The following ABCB9 variants were observed in gnomAD, a reference collection of about 807,000 sequenced individuals.
ABCB9 encodes the protein ABC-type oligopeptide transporter ABCB9.
ABCB9 carries 36 observed loss-of-function variants against 62.0 expected under a neutral mutation model. That is an observed-to-expected ratio of 0.58 (90% CI 0.45 to 0.77). The LOEUF (loss-of-function observed/expected upper bound fraction) is 0.77, where lower values mean the gene tolerates loss of function less well. ABCB9 is among the 30% of genes least tolerant of loss of function. ABCB9 has a pLI of 0.00. For synonymous variants in ABCB9, 435 were observed against 461.4 expected, an observed-to-expected ratio of 0.94 and a Z score of 0.73; for missense variants, 943 against 1,054.7, an observed-to-expected ratio of 0.89 and a Z score of 1.47.
At chr12:122,970,932 G>A (rs997055750), upstream of ABCB9, among the ~76,000 whole-genome samples, 2 of 152,172 alleles carry the variant, frequency 1.3e-5, no homozygotes, top group Non-Finnish European at 2.9e-5. Context: ...CCTACTGTAT[G>A]ATTCCTACCA....
rs202203025 is a variant in ABCB9 at position 122,941,431 on chromosome 12, CCA to C, written c.1381-438_1381-437del. On this transcript the variant is annotated intron_variant, in intron 7 of 11. Coordinates refer to ENST00000280560, the MANE Select transcript of ABCB9 (RefSeq NM_019625.4). ...TCAAGTGATTCTCCTGCCTCAGCCTCCAGAGTAGCTGGGATTACAGGTACTCG... is the reference window on the plus strand; with the variant it reads ...TCAAGTGATTCTCCTGCCTCAGCCTCGAGTAGCTGGGATTACAGGTACTCG... Among the ~76,000 whole-genome samples the C allele has an allele frequency of 3.7e-3, 568 of 151,714 alleles. 13 individuals are homozygous for C. The highest frequency in any genetic ancestry group is 0.031 in the Admixed American group (470 of 15,210).
chr12:122,959,917 C>G lies in ABCB9; in HGVS notation c.319G>C (p.Val107Leu). 2 of 1,613,458 alleles carry G rather than the reference C, an allele frequency of 1.2e-6. No homozygotes were observed. Among genetic ancestry groups the G allele is most frequent in the Non-Finnish European group, 1.7e-6 (2 of 1,179,928 alleles). ...AMVKLLLFSE[V>L]RRPIRDPWFW... ...CAGGGGTCCCGGATGGGCCTGCGCA[C>G]CTCTGAGAAGAGCAGCAGCTTCACC... The change falls in exon 2 of 12, where the codon GTG (valine) becomes CTG (leucine). Residue 107 changes from valine (V) to leucine (L), a missense_variant. Physicochemically the swap from Val to Leu is conservative, Grantham distance 32 (BLOSUM62 1). Coordinates refer to ENST00000280560, the MANE Select transcript of ABCB9 (RefSeq NM_019625.4). The surrounding 1 kb of genome is among the most constrained non-coding windows in gnomAD (Gnocchi z 5.4).
intron 1 of ABCB9, among the ~76,000 whole-genome samples, chr12:122,963,936 C>T (rs2037040227): frequency 6.6e-6 from 1 of 152,306 alleles, no homozygotes; most frequent in Middle Eastern, 3.4e-3. Context: ...CCTGTGCTGC[C>T]CACGCAGGCT....
chr12:122,946,619 C>CCTG, intron 5 of ABCB9: 1 of 245,214 alleles, frequency 4.1e-6, no homozygotes, highest in Non-Finnish European at 8.1e-6. Context: ...AGGTTGTACA[C>CCTG]TATTTAAGAA....
downstream of ABCB9, among the ~76,000 whole-genome samples, chr12:122,928,394 G>A (rs568648696): frequency 4.6e-5 from 7 of 151,870 alleles, no homozygotes; most frequent in South Asian, 1.3e-3. Flanking sequence ...GCTTGAACTC[G>A]GGAGGTGGAG....
Position 122,929,209 on chromosome 12 carries a change from G to A in ABCB9, c.*702C>T, listed in dbSNP as rs531967468. ...GGGTGGGTGGACGAGGGGCGAAAGCGCTGGGTGCCGGGCTGGGGGCACCCC... is the reference window on the plus strand; with the variant it reads ...GGGTGGGTGGACGAGGGGCGAAAGCACTGGGTGCCGGGCTGGGGGCACCCC... On this transcript the variant is annotated 3_prime_UTR_variant, in exon 12 of 12. Transcript: ENST00000280560. The surrounding 1 kb of genome is among the most constrained non-coding windows in gnomAD (Gnocchi z 6.0). The A allele has an allele frequency of 3.8e-4, 378 of 986,224 alleles. No individual in the cohort carries two copies. The highest frequency in any genetic ancestry group is 4.4e-4 in the Non-Finnish European group (365 of 830,228). 61.1% of individuals were successfully genotyped at this position (986,224 alleles called of 1,614,324 possible).
At chr12:122,943,826 A>G (rs892550673) in intron 7 of ABCB9, among the ~76,000 whole-genome samples, 1 of 151,862 alleles carries the variant, frequency 6.6e-6, no homozygotes, top group Non-Finnish European at 1.5e-5. Context: ...TCCAGCCTGG[A>G]GTGCAGTGGC....
intron 11 of ABCB9, among the ~76,000 whole-genome samples, chr12:122,923,758 G>C (rs1356909054): frequency 2.0e-5 from 3 of 152,146 alleles, no homozygotes; most frequent in Non-Finnish European, 1.5e-5. Context: ...AGAGTTCCTA[G>C]AATTTTCATC....
chr12:122,966,717 C>T (rs1241604164), upstream of ABCB9, among the ~76,000 whole-genome samples: 1 of 152,264 alleles, frequency 6.6e-6, no homozygotes, highest in Non-Finnish European at 1.5e-5. Context: ...TCTGGCCAAC[C>T]AGGCCCTCCA....
At chr12:122,954,424 T>G (rs1021490025) in intron 2 of ABCB9, among the ~76,000 whole-genome samples, 10 of 152,252 alleles carry the variant, frequency 6.6e-5, no homozygotes, top group African/African-American at 2.2e-4. Context: ...GTCAGGCTGG[T>G]CTCGAACTCC....
At chr12:122,937,591 G>A (rs1022109299) in intron 9 of ABCB9, among the ~76,000 whole-genome samples, 17 of 152,294 alleles carry the variant, frequency 1.1e-4, no homozygotes, top group African/African-American at 3.4e-4. Flanking sequence ...AAGTGTGAAC[G>A]GCTCTGCCCA....
chr12:122,938,926 C>A (rs886286868), intron 9 of ABCB9, among the ~76,000 whole-genome samples: 2 of 152,124 alleles, frequency 1.3e-5, no homozygotes, highest in Non-Finnish European at 1.5e-5. Flanking sequence ...AAACCCAACA[C>A]TTTGGGAGGC....
At chr12:122,949,735 C>T in intron 4 of ABCB9, 53 bp downstream of exon 4, 1 of 1,608,198 alleles carries the variant, frequency 6.2e-7, no homozygotes, top group Admixed American at 1.7e-5. Context: ...CCAGGCAAGC[C>T]CACAGGGGTG....
At chr12:122,928,790 G>A (rs995535883), downstream of ABCB9, among the ~76,000 whole-genome samples, 1 of 152,094 alleles carries the variant, frequency 6.6e-6, no homozygotes, top group Non-Finnish European at 1.5e-5. Context: ...CGCAATCCCC[G>A]TGGAGACAGG....
At chr12:122,954,001 A>C (rs1053149570) in intron 2 of ABCB9, among the ~76,000 whole-genome samples, 1 of 152,160 alleles carries the variant, frequency 6.6e-6, no homozygotes, top group Non-Finnish European at 1.5e-5. Context: ...TTTGCCATGA[A>C]ATCCATATTA....
Position 122,959,025 on chromosome 12 carries a change from G to A in ABCB9, c.601+610C>T, listed in dbSNP as rs1019637576. Among the ~76,000 whole-genome samples, 7 of 145,048 alleles carry A rather than the reference G, an allele frequency of 4.8e-5. No homozygotes were observed. Among genetic ancestry groups the A allele is most frequent in the African/African-American group, 5.0e-5 (2 of 39,744 alleles). On this transcript the variant is annotated intron_variant, in intron 2 of 11. Coordinates refer to ENST00000280560, the MANE Select transcript of ABCB9 (RefSeq NM_019625.4). The surrounding 1 kb of genome is among the most constrained non-coding windows in gnomAD (Gnocchi z 5.4). ...GCTGGGATTACAGGCGTGAGCCACC[G>A]CGCCTGGCCTATTTTTTCGTTTTAA...
chr12:122,973,628 G>A (rs528460587), intron 1 of ABCB9, among the ~76,000 whole-genome samples: 46 of 137,418 alleles, frequency 3.3e-4, no homozygotes, highest in African/African-American at 9.7e-4. Flanking sequence ...TTGGGAGGCC[G>A]AGGCAGGGGG....
chr12:122,928,729 C>G (rs923586247), downstream of ABCB9, among the ~76,000 whole-genome samples: 2 of 152,022 alleles, frequency 1.3e-5, no homozygotes, highest in Middle Eastern at 3.2e-3. Context: ...TCAGCTGTCC[C>G]GGGAAGCACA....
intron 4 of ABCB9, chr12:122,949,329 G>C (rs917325975): frequency 5.6e-6 from 1 of 179,710 alleles, no homozygotes; most frequent in Non-Finnish European, 1.2e-5. Context: ...GAGGATCAGA[G>C]AGGTGAAGTT....
Sources: gnomAD v4.1 joint callset for allele counts (sites outside exome capture counted in the v4.1 genomes callset) on GRCh38, gnomAD v4.1.1 for gene constraint, Gnocchi (gnomAD v3.1) non-coding constraint, MANE v1.5 for transcripts, NCBI Gene and HGNC (gene_info 2026-07-23, HGNC 2026-07-21) for gene names.